Variants in EFCAB11 observed in about 807,000 individuals in gnomAD.
EFCAB11 encodes the protein EF-hand calcium binding domain 11.
Under a neutral mutation model 23.0 loss-of-function variants are expected in EFCAB11, and 14 were observed. The ratio of observed to expected loss-of-function variants is 0.61; its 90% CI spans 0.40 to 0.95. The LOEUF is 0.95. EFCAB11 is among the 40% of genes least tolerant of loss of function. The pLI is 0.00. For missense variants in EFCAB11, 198 were observed against 195.8 expected (o/e 1.01, Z -0.07); for synonymous variants, 65 against 66.6 (o/e 0.98, Z 0.11).
chr14:89,866,618 C>T (rs1333843291), intron 5 of EFCAB11, among the ~76,000 whole-genome samples: 1 of 152,200 alleles, frequency 6.6e-6, no homozygotes, highest in Non-Finnish European at 1.5e-5. Flanking sequence ...CCCACACCCT[C>T]GTCACTTGGC....
intron 5 of EFCAB11, among the ~76,000 whole-genome samples, chr14:89,859,892 G>A (rs1478978089): frequency 6.6e-6 from 1 of 152,148 alleles, no homozygotes. Flanking sequence ...TGCATTCTGA[G>A]CTTTTTTATT....
Position 89,940,962 on chromosome 14 carries a change from G to C in EFCAB11, c.218-8335C>G, listed in dbSNP as rs540445796. On this transcript the variant is annotated intron_variant, in intron 3 of 5. Coordinates refer to ENST00000316738, the MANE Select transcript of EFCAB11 (RefSeq NM_145231.4). ...AATAAAGTCAGACCACCTGAGATATGTATACTTGGAACACACAGCCTTTGC... is the reference window on the plus strand; with the variant it reads ...AATAAAGTCAGACCACCTGAGATATCTATACTTGGAACACACAGCCTTTGC... Among the ~76,000 whole-genome samples the C allele has an allele frequency of 2.0e-5, 3 of 152,302 alleles. No homozygotes were observed. The East Asian group carries it at 5.8e-4, about 29-fold the overall frequency.
intron 5 of EFCAB11, among the ~76,000 whole-genome samples, chr14:89,820,436 C>T (rs1285077609): frequency 6.6e-6 from 1 of 152,050 alleles, no homozygotes; most frequent in Admixed American, 6.6e-5. Flanking sequence ...CCACCACTCT[C>T]ACCGTTGGCC....
chr14:89,928,761 T>G (rs985183647), intron 5 of EFCAB11, among the ~76,000 whole-genome samples: 2 of 147,582 alleles, frequency 1.4e-5, no homozygotes, highest in African/African-American at 4.9e-5. Flanking sequence ...ATTATATAAT[T>G]ATATATTGCA....
At chr14:89,923,872 C>T in intron 5 of EFCAB11, 2 of 985,398 alleles carry the variant, frequency 2.0e-6, no homozygotes, top group Non-Finnish European at 2.4e-6. Flanking sequence ...CTAAAAATTA[C>T]AGTGAGAAAT....
At chr14:89,952,450 G>C in intron 2 of EFCAB11, 1 of 985,374 alleles carries the variant, frequency 1.0e-6, no homozygotes, top group Non-Finnish European at 1.2e-6. Context: ...CAGCTGACCT[G>C]CTTTGTAATT....
chr14:89,892,988 G>A (rs1327010600), intron 5 of EFCAB11, among the ~76,000 whole-genome samples: 4 of 152,182 alleles, frequency 2.6e-5, no homozygotes, highest in Admixed American at 6.5e-5. Flanking sequence ...CTTATCTATC[G>A]ATGGGGCTCA....
intron 5 of EFCAB11, among the ~76,000 whole-genome samples, chr14:89,851,111 T>G (rs1051699366): frequency 6.6e-6 from 1 of 152,188 alleles, no homozygotes; most frequent in Non-Finnish European, 1.5e-5. Flanking sequence ...AACACTTTAT[T>G]TTGTAGTCAG....
chr14:89,801,059 A>AAAAAAAG (rs1555369622), intron 5 of EFCAB11, among the ~76,000 whole-genome samples: 8 of 138,780 alleles, frequency 5.8e-5, no homozygotes, highest in Admixed American at 7.5e-5. Flanking sequence ...AAAAAAAAAA[A>AAAAAAAG]AGAAGTACTG....
intron 5 of EFCAB11, among the ~76,000 whole-genome samples, chr14:89,828,588 C>T (rs193132783): frequency 1.3e-5 from 2 of 152,118 alleles, no homozygotes; most frequent in Admixed American, 1.3e-4. Flanking sequence ...ACATAGTGTT[C>T]GGTTTTTTGT....
chr14:89,881,201 T>A (rs979148240), intron 5 of EFCAB11, among the ~76,000 whole-genome samples: 9 of 151,716 alleles, frequency 5.9e-5, no homozygotes, highest in Non-Finnish European at 1.2e-4. Context: ...CATTTAATGT[T>A]ACAGAACAAA....
At chr14:89,886,517 C>CAA (rs762288481) in intron 5 of EFCAB11, among the ~76,000 whole-genome samples, 41 of 14,900 alleles carry the variant, frequency 2.8e-3, no homozygotes, top group African/African-American at 9.6e-3. Context: ...AACTCCGTCT[C>CAA]AAAAAAAAAA....
rs574821336 is a variant in EFCAB11, at chr14:89,885,524, G to A, written c.410+46017C>T. ...AAACCCCATCTCTACTAAAAATACA[G>A]AAAATTAGCCAGGCGTGGTAGCGTG... On this transcript the variant is annotated intron_variant, in intron 5 of 5. Coordinates refer to ENST00000316738, the MANE Select transcript of EFCAB11 (RefSeq NM_145231.4). Among the ~76,000 whole-genome samples the A allele has an allele frequency of 2.1e-3, 316 of 151,912 alleles. 1 individual carries two copies. The highest frequency in any genetic ancestry group is 7.2e-3 in the African/African-American group (300 of 41,448).
chr14:89,876,639 G>T (rs1888447653), intron 5 of EFCAB11, among the ~76,000 whole-genome samples: 2 of 152,160 alleles, frequency 1.3e-5, no homozygotes, highest in Middle Eastern at 3.2e-3. Flanking sequence ...AAAGAGGGGG[G>T]AAAGTAAATC....
intron 5 of EFCAB11, among the ~76,000 whole-genome samples, chr14:89,802,428 G>A (rs1885817058): frequency 6.6e-6 from 1 of 151,930 alleles, no homozygotes; most frequent in Admixed American, 6.6e-5. Context: ...GTCTTGCTCT[G>A]TCACTCAGGC....
chr14:89,802,159 T>G (rs536127089), intron 5 of EFCAB11, among the ~76,000 whole-genome samples: 45 of 148,890 alleles, frequency 3.0e-4, no homozygotes, highest in Admixed American at 1.0e-3. Flanking sequence ...TGTCTAAGTC[T>G]CCAAAGCCAG....
In EFCAB11 at chr14:89,950,184, C is replaced by T. The variant is rs371301714; in HGVS notation, c.172-42G>A. 1.1e-5 allele frequency: 17 copies of T among 1,519,696 alleles called. No individual in the cohort carries two copies. In the African/African-American group the frequency reaches 1.5e-4, roughly 14 times the overall value. The allele number at this position is 1,519,696 out of a possible 1,614,324, so 94.1% of individuals were successfully genotyped here. ...AATAATAGAACATGTAATTTTATCA[C>T]GTTTTCACAGTGCAAGTTCTTAATT... is the stretch of plus-strand genomic sequence containing the variant. On this transcript the variant is annotated intron_variant, in intron 2 of 5. Transcript: ENST00000316738.
At chr14:89,920,244 C>A (rs1889980748) in intron 5 of EFCAB11, among the ~76,000 whole-genome samples, 1 of 152,102 alleles carries the variant, frequency 6.6e-6, no homozygotes, top group Admixed American at 6.5e-5. Context: ...CAAATGAAAT[C>A]TCAAGTATAA....
chr14:89,867,584 T>TA (rs1311379658), intron 5 of EFCAB11, among the ~76,000 whole-genome samples: 1 of 152,230 alleles, frequency 6.6e-6, no homozygotes, highest in Non-Finnish European at 1.5e-5. Flanking sequence ...CTTAATCTTT[T>TA]ATTTCACTTT....
Sources: allele counts gnomAD v4.1 joint callset (sites outside exome capture counted in the v4.1 genomes callset), GRCh38; gene constraint gnomAD v4.1.1; transcripts MANE v1.5; gene names NCBI Gene and HGNC (gene_info 2026-07-23, HGNC 2026-07-21).